Variants in CFAP299 observed in about 807,000 individuals in gnomAD.
CFAP299 encodes the protein cilia- and flagella-associated protein 299.
In CFAP299, 21 loss-of-function variants were observed where a neutral mutation model predicts 27.0. The ratio of observed to expected loss-of-function variants is 0.78; its 90% CI spans 0.55 to 1.12. The LOEUF is 1.12. Ranked by LOEUF, CFAP299 falls within the 50% of genes most tolerant of loss-of-function variation. CFAP299 has a pLI of 0.00. For missense variants in CFAP299, 310 were observed against 276.6 expected (o/e 1.12, Z -0.86); for synonymous variants, 104 against 98.1 (o/e 1.06, Z -0.36).
chr4:80,823,664 G>C (rs2110126009), intron 3 of CFAP299, among the ~76,000 whole-genome samples: 1 of 152,202 alleles, frequency 6.6e-6, no homozygotes, highest in East Asian at 1.9e-4. Flanking sequence ...AATTACAATA[G>C]CTTATGCTGA....
chr4:80,691,518 A>G (rs1346411326), intron 3 of CFAP299, among the ~76,000 whole-genome samples: 3 of 152,194 alleles, frequency 2.0e-5, no homozygotes, highest in African/African-American at 7.2e-5. Flanking sequence ...AACTCTCAAT[A>G]AATTAGGTAT....
intron 2 of CFAP299, among the ~76,000 whole-genome samples, chr4:80,562,814 G>C: frequency 6.6e-6 from 1 of 151,706 alleles, no homozygotes; most frequent in East Asian, 1.9e-4. Context: ...TACTTTACCT[G>C]TAAAGAACCC....
At chr4:80,519,024 T>C (rs1037338538) in intron 2 of CFAP299, among the ~76,000 whole-genome samples, 2 of 150,328 alleles carry the variant, frequency 1.3e-5, no homozygotes, top group Non-Finnish European at 2.9e-5. Flanking sequence ...AAGGCTTGAC[T>C]GTAGAAGAGT....
intron 2 of CFAP299, among the ~76,000 whole-genome samples, chr4:80,552,754 T>C (rs926713280): frequency 5.9e-5 from 9 of 152,060 alleles, no homozygotes; most frequent in Non-Finnish European, 1.3e-4. Context: ...ATGGCATGAG[T>C]ATAGCTTACT....
chr4:80,570,124 T>G (rs2110233254), intron 2 of CFAP299, among the ~76,000 whole-genome samples: 1 of 152,196 alleles, frequency 6.6e-6, no homozygotes, highest in East Asian at 1.9e-4. Context: ...GAAACAGATC[T>G]ATGTATATAT....
At chr4:80,549,255 A>G (rs890991630) in intron 2 of CFAP299, among the ~76,000 whole-genome samples, 2 of 152,140 alleles carry the variant, frequency 1.3e-5, no homozygotes, top group South Asian at 2.1e-4. Context: ...GACACTCGCT[A>G]AGATGCTATT....
rs571238565 is a variant in CFAP299 at position 80,601,123 on chromosome 4, T to G, written c.333+17940T>G. ...AATCAATAGGAAAAAACTTTAAAAG[T>G]TTTATAGCTTTTAGTTAGCAGATAA... On this transcript the variant is annotated intron_variant, in intron 3 of 5. Transcript: ENST00000358105. 5.3e-5 allele frequency among the ~76,000 whole-genome samples: 8 copies of G among 152,246 alleles called. 1 individual carries two copies. The South Asian group carries it at 1.7e-3, about 32-fold the overall frequency.
At chr4:80,567,094 T>G (rs1735338948) in intron 2 of CFAP299, among the ~76,000 whole-genome samples, 2 of 152,052 alleles carry the variant, frequency 1.3e-5, no homozygotes, top group African/African-American at 4.8e-5. Context: ...ATCTGAAGAC[T>G]CCCACTTGGA....
chr4:80,387,864 C>T, intron 2 of CFAP299: 2 of 1,229,514 alleles, frequency 1.6e-6, no homozygotes, highest in Non-Finnish European at 2.4e-6. Flanking sequence ...GTGGGGTCTT[C>T]AGCATTGGTG....
At chr4:80,927,257 A>G (rs909982548) in intron 4 of CFAP299, among the ~76,000 whole-genome samples, 1 of 152,038 alleles carries the variant, frequency 6.6e-6, no homozygotes, top group African/African-American at 2.4e-5. Flanking sequence ...ATTATAACTT[A>G]TATTCCTGAT....
At chr4:80,832,457 A>G (rs944502370) in intron 3 of CFAP299, among the ~76,000 whole-genome samples, 2 of 152,214 alleles carry the variant, frequency 1.3e-5, no homozygotes, top group Non-Finnish European at 2.9e-5. Flanking sequence ...TGTATTAGCC[A>G]TAGACAATAC....
chr4:80,476,957 A>G (rs13150001), intron 2 of CFAP299, among the ~76,000 whole-genome samples: 5,432 of 118,856 alleles, frequency 0.046, 293 homozygotes, highest in African/African-American at 0.19. Context: ...GTGTGTGCGC[A>G]TGCGTGTGTG....
At chr4:80,668,998 G>C (rs1741291549) in intron 3 of CFAP299, among the ~76,000 whole-genome samples, 1 of 151,668 alleles carries the variant, frequency 6.6e-6, no homozygotes, top group South Asian at 2.1e-4. Flanking sequence ...CCTTTCACCA[G>C]TGTTTTGTAG....
At chr4:80,787,033 T>G (rs1223320504) in intron 3 of CFAP299, among the ~76,000 whole-genome samples, 7 of 151,858 alleles carry the variant, frequency 4.6e-5, no homozygotes, top group African/African-American at 1.7e-4. Flanking sequence ...TAAAATGGGT[T>G]GAATGATTAG....
At chr4:80,883,759 CTT>C (rs1347521526) in intron 4 of CFAP299, among the ~76,000 whole-genome samples, 24 of 152,196 alleles carry the variant, frequency 1.6e-4, no homozygotes, top group African/African-American at 5.5e-4. Context: ...ACTCAGAGCT[CTT>C]AAATATATGA....
intron 4 of CFAP299, chr4:80,872,496 C>T (rs992705790): frequency 6.6e-6 from 1 of 151,826 alleles, no homozygotes; most frequent in African/African-American, 2.4e-5. Flanking sequence ...ATATTTTTTT[C>T]ATTTATAGAA....
chr4:80,759,379 T>C (rs1281152425), intron 3 of CFAP299, among the ~76,000 whole-genome samples: 2 of 152,196 alleles, frequency 1.3e-5, no homozygotes, highest in African/African-American at 2.4e-5. Context: ...TAAGGTCTGA[T>C]TAAAGGGAAA....
At chr4:80,691,079 A>G (rs1336210385) in intron 3 of CFAP299, among the ~76,000 whole-genome samples, 1 of 101,180 alleles carries the variant, frequency 9.9e-6, no homozygotes, top group African/African-American at 3.6e-5. Flanking sequence ...AGAGTCCAGG[A>G]CCAGATGGAT....
At position 80,905,466 on chromosome 4, in the gene CFAP299, TA is replaced by T. The variant is rs572993310; in HGVS notation, c.476+35332del. Among the ~76,000 whole-genome samples the T allele has an allele frequency of 3.3e-3, 496 of 152,280 alleles. 2 individuals carry two copies. The highest frequency in any genetic ancestry group is 0.011 in the African/African-American group (456 of 41,562). ...AAATATATTGTAATCAGGAAATTGA[TA>T]TTTTTTTTAAAAAAGACTAGAATTC... On this transcript the variant is annotated intron_variant, in intron 4 of 5. Transcript: ENST00000358105.
Sources: allele counts gnomAD v4.1 joint callset (sites outside exome capture counted in the v4.1 genomes callset), GRCh38; gene constraint gnomAD v4.1.1; transcripts MANE v1.5; gene names NCBI Gene and HGNC (gene_info 2026-07-23, HGNC 2026-07-21).